The following RSPH9 variants were observed in gnomAD, a reference collection of about 807,000 sequenced individuals.
The protein encoded by RSPH9 is radial spoke head protein 9 homolog.
In RSPH9, 27 loss-of-function variants were observed where a neutral mutation model predicts 27.0. That is an observed-to-expected ratio of 1.00 (90% CI 0.74 to 1.38). RSPH9 has a LOEUF of 1.38. RSPH9 is among the 40% of genes most tolerant of loss of function. The probability of loss-of-function intolerance (pLI) is 0.00; values close to 1 mark genes in which losing one functional copy is unlikely to be tolerated. For missense variants in RSPH9, 347 were observed against 357.4 expected (o/e 0.97, Z 0.24); for synonymous variants, 145 against 147.7 (o/e 0.98, Z 0.13).
At chr6:43,658,396 A>G (rs79474406) in intron 4 of RSPH9, among the ~76,000 whole-genome samples, 13,309 of 152,106 alleles carry the variant, frequency 0.087, 957 homozygotes, top group African/African-American at 0.19. Context: ...ATCGCAATAA[A>G]GTGAGTCACA....
intron 1 of RSPH9, 152 bp from the exon 2 acceptor site, chr6:43,650,223 G>T: frequency 1.1e-6 from 1 of 906,000 alleles, no homozygotes; most frequent in South Asian, 1.4e-5. Context: ...CAGCACTTGG[G>T]GCTTCTAACA....
At chr6:43,663,757 C>T (rs114852936) in intron 4 of RSPH9, among the ~76,000 whole-genome samples, 2,403 of 151,978 alleles carry the variant, frequency 0.016, 62 homozygotes, top group African/African-American at 0.056. Context: ...GGGCTGAGTG[C>T]GGTGACTCAT....
Position 43,665,827 on chromosome 6 carries a change from T to C in RSPH9, c.671-4962T>C, listed in dbSNP as rs116839626. 2.7e-3 allele frequency among the ~76,000 whole-genome samples: 410 copies of C among 152,114 alleles called. 1 individual carries two copies. The highest frequency in any genetic ancestry group is 9.4e-3 in the African/African-American group (390 of 41,500). ...TTTTTCTTTCTTTCTTTCTTTCTTT[T>C]TTTTTTAATTTGACAGGGTCTCACT... On this transcript the variant is annotated intron_variant, in intron 4 of 4. Coordinates refer to ENST00000372163, the MANE Select transcript of RSPH9 (RefSeq NM_152732.5).
chr6:43,645,768 T>TGGCTCAGTTTGGAGAA (rs777595362), intron 1 of RSPH9, among the ~76,000 whole-genome samples: 9 of 152,210 alleles, frequency 5.9e-5, no homozygotes, highest in Non-Finnish European at 1.2e-4. Flanking sequence ...GTGCTGGGCC[T>TGGCTCAGTTTGGAGAA]GGCTCAGTTT....
At chr6:43,658,312 A>AAG (rs1772249144) in intron 4 of RSPH9, among the ~76,000 whole-genome samples, 10 of 133,810 alleles carry the variant, frequency 7.5e-5, no homozygotes, top group Non-Finnish European at 1.4e-4. Flanking sequence ...AAAAAAAAAG[A>AAG]AAAAAAAAAA....
In RSPH9 at chr6:43,668,748, C is replaced by T. The variant is rs550932963; in HGVS notation, c.671-2041C>T. ...CATTTTCTCCAGGGCAGCACCTAGC[C>T]CAGGCAGGCTGCAAGCTGCCCTCCC... On this transcript the variant is annotated intron_variant, in intron 4 of 4. Transcript: ENST00000372163. Among the ~76,000 whole-genome samples the T allele has an allele frequency of 5.7e-4, 87 of 152,312 alleles. 1 individual carries two copies. The highest frequency in any genetic ancestry group is 8.7e-4 in the Non-Finnish European group (59 of 68,018).
At chr6:43,655,419 G>A (rs972382178) in intron 2 of RSPH9, 143 bp from the exon 3 acceptor site, 5 of 820,604 alleles carry the variant, frequency 6.1e-6, no homozygotes, top group South Asian at 1.4e-5. Flanking sequence ...GAAGGAAGGC[G>A]AGGGCCTGCC....
chr6:43,656,547 A>G (rs1166027149), intron 3 of RSPH9, 30 bp from the exon 4 acceptor site: 2 of 1,614,028 alleles, frequency 1.2e-6, no homozygotes, highest in Non-Finnish European at 1.7e-6. Context: ...TGGGCTAACC[A>G]TCATTTTCCT....
intron 4 of RSPH9, among the ~76,000 whole-genome samples, chr6:43,669,306 C>T (rs1773472898): frequency 6.6e-6 from 1 of 152,212 alleles, no homozygotes; most frequent in African/African-American, 2.4e-5. Context: ...CTGAGCAGGA[C>T]CAGGGACAGC....
intron 4 of RSPH9, among the ~76,000 whole-genome samples, chr6:43,670,254 G>A (rs931713482): frequency 6.6e-5 from 10 of 152,112 alleles, no homozygotes; most frequent in East Asian, 3.9e-4. Flanking sequence ...TTTGAGTTTC[G>A]CCTCTTTTCA....
chr6:43,653,917 C>T (rs1404838520), intron 2 of RSPH9, among the ~76,000 whole-genome samples: 2 of 152,168 alleles, frequency 1.3e-5, no homozygotes, highest in Non-Finnish European at 2.9e-5. Context: ...GTCTCAAACT[C>T]CCGACCTCAG....
Position 43,654,254 on chromosome 6 carries a change from CAGAGT to C in RSPH9, c.394-1307_394-1303del, listed in dbSNP as rs1376371628. Among the ~76,000 whole-genome samples, 5 of 152,276 alleles carry C rather than the reference CAGAGT, an allele frequency of 3.3e-5. No homozygotes were observed. In the East Asian group the frequency reaches 7.7e-4, roughly 23 times the overall value. On this transcript the variant is annotated intron_variant, in intron 2 of 4. Coordinates refer to ENST00000372163, the MANE Select transcript of RSPH9 (RefSeq NM_152732.5). Reference sequence around the variant, plus strand: ...AAAATCTCTATGAAATCCTTTTGTTCAGAGTTGCCCTAGATAGTAATTGTAACTAA... The same window carrying C: ...AAAATCTCTATGAAATCCTTTTGTTCTGCCCTAGATAGTAATTGTAACTAA...
At position 43,651,853 on chromosome 6, in the gene RSPH9, G is replaced by A. The variant is rs1020642440; in HGVS notation, c.393+1313G>A. Among the ~76,000 whole-genome samples, 5 of 151,978 alleles carry A rather than the reference G, an allele frequency of 3.3e-5. No homozygotes were observed. The East Asian group carries it at 7.7e-4, about 24-fold the overall frequency. ...CGTGAGCCACCGCACACAGTCTGAC[G>A]TTAACTATTTTGCATGTGCATGTGT... On this transcript the variant is annotated intron_variant, in intron 2 of 4. Coordinates refer to ENST00000372163, the MANE Select transcript of RSPH9 (RefSeq NM_152732.5).
intron 4 of RSPH9, among the ~76,000 whole-genome samples, chr6:43,670,312 G>T (rs1296497893): frequency 6.6e-6 from 1 of 152,166 alleles, no homozygotes; most frequent in Non-Finnish European, 1.5e-5. Context: ...CAGTGAGATG[G>T]CTAAAAGGGC....
chr6:43,655,710 C>T lies in RSPH9; in HGVS notation c.523+19C>T, dbSNP rs1326204591. The T allele has an allele frequency of 6.2e-7, 1 of 1,614,122 alleles. No individual in the cohort carries two copies. The highest frequency in any genetic ancestry group is 1.7e-5 in the Admixed American group (1 of 60,020). ...TTTGAAGGTGAGTTCTCTGGGGCCC[C>T]TCTCAAGGGCTGGGGGTATCTTTTC... On this transcript the variant is annotated intron_variant, in intron 3 of 4. Transcript: ENST00000372163.
chr6:43,650,945 A>G (rs199899169), intron 2 of RSPH9, among the ~76,000 whole-genome samples: 2 of 149,760 alleles, frequency 1.3e-5, no homozygotes, highest in East Asian at 3.9e-4. Context: ...AAATTATGGC[A>G]ACAAGTACGA....
chr6:43,647,210 A>C (rs1770979648), intron 1 of RSPH9, among the ~76,000 whole-genome samples: 1 of 150,348 alleles, frequency 6.7e-6, no homozygotes, highest in Non-Finnish European at 1.5e-5. Flanking sequence ...ACAGTTAGAC[A>C]AACTTGTTGG....
At chr6:43,645,829 G>C (rs200444381) in intron 1 of RSPH9, among the ~76,000 whole-genome samples, 7 of 152,202 alleles carry the variant, frequency 4.6e-5, no homozygotes, top group African/African-American at 1.7e-4. Flanking sequence ...AGAGGGTGGT[G>C]CTCTTTGATA....
intron 4 of RSPH9, chr6:43,666,321 G>A: frequency 1.1e-6 from 1 of 925,820 alleles, no homozygotes; most frequent in Non-Finnish European, 1.7e-6. Context: ...TGCTAATTGG[G>A]GCCAAAATCC....
Sources: gnomAD v4.1 joint callset for allele counts (sites outside exome capture counted in the v4.1 genomes callset) on GRCh38, gnomAD v4.1.1 for gene constraint, MANE v1.5 for transcripts, NCBI Gene and HGNC (gene_info 2026-07-23, HGNC 2026-07-21) for gene names.